PDCD6: variants seen among roughly 807,000 people sequenced by gnomAD.
The protein encoded by PDCD6 is programmed cell death 6.
A neutral mutation model predicts 28.3 loss-of-function variants in PDCD6; 12 were observed. The ratio of observed to expected loss-of-function variants is 0.42; its 90% CI spans 0.27 to 0.69. The LOEUF is 0.69. Among genes scored for constraint, PDCD6 ranks in the 30% least tolerant of loss-of-function variants. The pLI is 0.22. For missense variants in PDCD6, 226 were observed against 269.9 expected (o/e 0.84, Z 1.14); for synonymous variants, 92 against 108.0 (o/e 0.85, Z 0.92).
intron 2 of PDCD6, among the ~76,000 whole-genome samples, chr5:280,210 C>T (rs2126693331): frequency 6.6e-6 from 1 of 152,198 alleles, no homozygotes; most frequent in South Asian, 2.1e-4. Context: ...CCGGGAAAGG[C>T]ACCCTAGGCA....
chr5:295,179 A>G (rs1293675336), intron 2 of PDCD6, among the ~76,000 whole-genome samples: 3 of 151,602 alleles, frequency 2.0e-5, no homozygotes, highest in East Asian at 3.9e-4. Context: ...TGTCACCTCC[A>G]TGAAACAAAA....
At chr5:283,319 A>G (rs1738709043) in intron 2 of PDCD6, among the ~76,000 whole-genome samples, 1 of 151,906 alleles carries the variant, frequency 6.6e-6, no homozygotes, top group African/African-American at 2.4e-5. Flanking sequence ...AGACTCAGGC[A>G]GGAGCTGATG....
In PDCD6 at chr5:293,326, G is replaced by C. The variant is rs565725603; in HGVS notation, c.164-10851G>C. On this transcript the variant is annotated intron_variant, in intron 2 of 5. Transcript: ENST00000264933. ...AGGTATGACAGGAAGAGCAGATCAA[G>C]AAGACGGGAACAGCACGAGGCACTG... Among the ~76,000 whole-genome samples, 195 of 145,666 alleles carry C rather than the reference G, an allele frequency of 1.3e-3. 1 individual carries two copies. Among genetic ancestry groups the C allele is most frequent in the African/African-American group, 4.7e-3 (182 of 38,342 alleles).
At chr5:313,681 C>T in intron 5 of PDCD6, 1 of 152,182 alleles carries the variant, frequency 6.6e-6, no homozygotes, top group Admixed American at 6.5e-5. Context: ...GCCACATTTT[C>T]TTCTTCTTTC....
At chr5:279,218 G>A (rs10056488) in intron 2 of PDCD6, among the ~76,000 whole-genome samples, 151,296 of 152,068 alleles carry the variant, frequency 0.99, 75,307 homozygotes, top group Middle Eastern at 1. Context: ...AGAGTATGAC[G>A]CAGCCGCATC....
intron 1 of PDCD6, among the ~76,000 whole-genome samples, chr5:272,082 C>T (rs1579465963): frequency 6.7e-6 from 1 of 148,666 alleles, no homozygotes; most frequent in Admixed American, 6.6e-5. Context: ...GCCCCTGCCT[C>T]CTGCCCGGTC....
chr5:292,611 T>G (rs958078587), intron 2 of PDCD6, among the ~76,000 whole-genome samples: 3 of 152,200 alleles, frequency 2.0e-5, no homozygotes, highest in African/African-American at 7.2e-5. Flanking sequence ...CCGGTGACTA[T>G]CTGTATGGCA....
chr5:272,840 T>A (rs1737923329), intron 2 of PDCD6, 68 bp downstream of exon 2: 1 of 1,549,374 alleles, frequency 6.5e-7, no homozygotes. Flanking sequence ...TCACAGTGGA[T>A]AACTTTCTGA....
intron 2 of PDCD6, among the ~76,000 whole-genome samples, chr5:297,599 G>A (rs1212346306): frequency 2.0e-5 from 3 of 152,148 alleles, no homozygotes; most frequent in African/African-American, 4.8e-5. Context: ...CAAAGCAATC[G>A]AGGAATTCCA....
At chr5:309,151 C>T (rs1005890827) in intron 4 of PDCD6, 89 of 152,374 alleles carry the variant, frequency 5.8e-4, no homozygotes, top group African/African-American at 2.0e-3. Flanking sequence ...GTTTGTCCTC[C>T]GAGGTGGAAG....
At chr5:282,202 TGAG>T (rs1405380280) in intron 2 of PDCD6, among the ~76,000 whole-genome samples, 39 of 144,754 alleles carry the variant, frequency 2.7e-4, no homozygotes, top group African/African-American at 9.8e-4. Context: ...GGTTCTAACT[TGAG>T]GAACCTACAG....
At chr5:273,841 A>G (rs1034686938) in intron 2 of PDCD6, among the ~76,000 whole-genome samples, 21 of 152,012 alleles carry the variant, frequency 1.4e-4, no homozygotes, top group African/African-American at 4.8e-4. Context: ...ATGCATTTCT[A>G]TAGATTGTTT....
At position 307,088 on chromosome 5, in the gene PDCD6, G is replaced by A. The variant is rs1389055974; in HGVS notation, c.367+328G>A. The stretch of plus-strand genomic sequence containing the variant: ...ATCCATGAAAATACCGTGGGGCAGG[G>A]CAGCTTATATTTCATGATAGATCAA... On this transcript the variant is annotated intron_variant, in intron 4 of 5. Coordinates refer to ENST00000264933, the MANE Select transcript of PDCD6 (RefSeq NM_013232.4). This position sits in a 1 kb window ranked among gnomAD's most constrained non-coding sequence, Gnocchi z 6.1. Among the ~76,000 whole-genome samples, 1 of 152,186 alleles carries A rather than the reference G, an allele frequency of 6.6e-6. No individual in the cohort carries two copies. The highest frequency in any genetic ancestry group is 1.5e-5 in the Non-Finnish European group (1 of 68,034).
chr5:306,872 G>T (rs1225658700), intron 4 of PDCD6, 112 bp downstream of exon 4: 2 of 1,115,402 alleles, frequency 1.8e-6, no homozygotes, highest in African/African-American at 3.1e-5. Flanking sequence ...GCTACGTAAA[G>T]TTTTTGTTGA....
At position 314,587 on chromosome 5, in the gene PDCD6, T is replaced by A; in HGVS notation, c.*72T>A. On this transcript the variant is annotated 3_prime_UTR_variant, in exon 6 of 6. Transcript: ENST00000264933. ...GTCACAGTTCCTATCTGTGAGGGAA[T>A]GGAGCACAGGTGCAGTTAGATGCTG... The A allele has an allele frequency of 9.3e-7, 1 of 1,080,308 alleles. No individual in the cohort carries two copies. The highest frequency in any genetic ancestry group is 1.4e-6 in the Non-Finnish European group (1 of 699,714). The allele number at this position is 1,080,308 out of a possible 1,614,324, so 66.9% of individuals were successfully genotyped here.
chr5:288,027 T>C (rs1247894484), intron 2 of PDCD6, among the ~76,000 whole-genome samples: 1 of 152,160 alleles, frequency 6.6e-6, no homozygotes, highest in Non-Finnish European at 1.5e-5. Context: ...AATAATGAAG[T>C]CTGTTTCTCA....
intron 3 of PDCD6, chr5:306,121 C>T (rs1740463774): frequency 6.0e-6 from 1 of 165,826 alleles, no homozygotes; most frequent in Non-Finnish European, 1.3e-5. Flanking sequence ...AGCAGGTTTT[C>T]CTGACAGGGC....
Position 307,382 on chromosome 5 carries a change from CAGAA to C in PDCD6, c.367+623_367+626del, listed in dbSNP as rs1296516822. 6.7e-6 allele frequency among the ~76,000 whole-genome samples: 1 copy of C among 150,284 alleles called. No individual in the cohort carries two copies. Among genetic ancestry groups the C allele is most frequent in the Non-Finnish European group, 1.5e-5 (1 of 67,376 alleles). ...GTGTGCACACGTGTGCCGTGCGCCT[CAGAA>C]GGGGCGTTAGGCAGAACGCGTGCCC... On this transcript the variant is annotated intron_variant, in intron 4 of 5. Transcript: ENST00000264933. The surrounding 1 kb of genome is among the most constrained non-coding windows in gnomAD (Gnocchi z 6.1).
chr5:282,833 G>GCAAGCC (rs1489241042), intron 2 of PDCD6, among the ~76,000 whole-genome samples: 2 of 152,020 alleles, frequency 1.3e-5, no homozygotes, highest in African/African-American at 4.8e-5. Flanking sequence ...TCTTGCAGCT[G>GCAAGCC]CAGACGTGGA....
Sources: gnomAD v4.1 joint callset for allele counts (sites outside exome capture counted in the v4.1 genomes callset) on GRCh38, gnomAD v4.1.1 for gene constraint, Gnocchi (gnomAD v3.1) non-coding constraint, MANE v1.5 for transcripts, NCBI Gene and HGNC (gene_info 2026-07-23, HGNC 2026-07-21) for gene names.